ERC1: variants seen among roughly 807,000 people sequenced by gnomAD.
ERC1 encodes the protein ELKS/RAB6-interacting/CAST family member 1.
Under a neutral mutation model 132.0 loss-of-function variants are expected in ERC1, and 56 were observed. The observed-to-expected ratio is 0.42, with a 90% CI of 0.34 to 0.53. The LOEUF is 0.53. Among genes scored for constraint, ERC1 ranks in the 20% least tolerant of loss-of-function variants. The pLI is 0.03. For synonymous variants in ERC1, 478 were observed against 476.1 expected, an observed-to-expected ratio of 1.00 and a Z score of -0.05; for missense variants, 1,202 against 1,349.9, an observed-to-expected ratio of 0.89 and a Z score of 1.72.
chr12:1,141,865 C>T lies in ERC1; in HGVS notation c.1737+78C>T, dbSNP rs1005889500. 29 of 1,160,198 alleles carry T rather than the reference C, an allele frequency of 2.5e-5. No homozygotes were observed. The Admixed American group carries it at 4.9e-4, about 19-fold the overall frequency. The allele number at this position is 1,160,198 out of a possible 1,614,324, so 71.9% of individuals were successfully genotyped here. The stretch of plus-strand genomic sequence containing the variant: ...CCTACCACTAAGTTATTTCTAAATG[C>T]TGTCAGAGTTTCTTGCTCATTTTTC... On this transcript the variant is annotated intron_variant, in intron 8 of 18. Coordinates refer to ENST00000360905, the MANE Select transcript of ERC1 (RefSeq NM_178040.4).
chr12:1,184,894 A>G (rs950488947), intron 11 of ERC1, among the ~76,000 whole-genome samples: 2 of 152,108 alleles, frequency 1.3e-5, no homozygotes, highest in South Asian at 2.1e-4. Context: ...CTGGGACTAC[A>G]GACCCATGCC....
intron 15 of ERC1, among the ~76,000 whole-genome samples, chr12:1,294,850 T>C (rs2079792397): frequency 6.6e-6 from 1 of 152,200 alleles, no homozygotes; most frequent in African/African-American, 2.4e-5. Context: ...ATCTTTTTCA[T>C]TGTTCTCCAG....
intron 15 of ERC1, among the ~76,000 whole-genome samples, chr12:1,318,427 A>G (rs1221644576): frequency 2.6e-5 from 4 of 152,250 alleles, no homozygotes; most frequent in African/African-American, 4.8e-5. Context: ...AAAATTTTAT[A>G]GCTTTTGTGG....
rs1947167791 is a variant in ERC1, at chr12:1,121,711, GT to G, written c.1569+5679del. 3.9e-4 allele frequency among the ~76,000 whole-genome samples: 16 copies of G among 40,526 alleles called. 1 individual carries two copies. The highest frequency in any genetic ancestry group is 6.7e-4 in the Non-Finnish European group (13 of 19,466). The allele number at this position is 40,526 out of a possible 152,430, so 26.6% of individuals were successfully genotyped here. A position where few individuals can be genotyped will look rare whatever the true frequency, so the allele number is the denominator to read the frequency against. On this transcript the variant is annotated intron_variant, in intron 7 of 18. Transcript: ENST00000360905. ...TATCTCTATCTCTATCTCTATCTGT[GT>G]CTCTATCTCTATCTCTATCTCTATC...
chr12:1,115,902 A>C lies in ERC1; in HGVS notation c.1438A>C (p.Thr480Pro), dbSNP rs1179897471. ...QVKQELSRKD[T>P]ELLALQTKLE... ...GAAACAGGAGCTGTCCAGAAAGGAC[A>C]CAGAACTACTCGCCCTGCAGACAAA... Residue 480 changes from threonine to proline, a missense_variant, in exon 7 of 19, where the codon ACA (threonine) becomes CCA (proline). Transcript: ENST00000360905. The C allele has an allele frequency of 6.2e-7, 1 of 1,614,154 alleles. No homozygotes were observed. The highest frequency in any genetic ancestry group is 1.1e-5 in the South Asian group (1 of 91,080).
chr12:1,092,276 C>T (rs1167992201), intron 3 of ERC1, among the ~76,000 whole-genome samples: 1 of 152,154 alleles, frequency 6.6e-6, no homozygotes, highest in African/African-American at 2.4e-5. Context: ...GGATTATAGG[C>T]GTGAGCCACC....
chr12:1,403,635 T>C (rs12820489), intron 16 of ERC1, among the ~76,000 whole-genome samples: 51 of 152,182 alleles, frequency 3.4e-4, no homozygotes, highest in Admixed American at 1.3e-3. Flanking sequence ...GTGGATCAAA[T>C]AAGGAATCTT....
intron 16 of ERC1, among the ~76,000 whole-genome samples, chr12:1,400,628 ACAT>A (rs1443425264): frequency 6.6e-6 from 1 of 152,006 alleles, no homozygotes; most frequent in Non-Finnish European, 1.5e-5. Flanking sequence ...AATGAGTTTG[ACAT>A]CATTTTCTTT....
intron 12 of ERC1, among the ~76,000 whole-genome samples, chr12:1,200,496 A>G (rs1319222403): frequency 6.6e-6 from 1 of 152,020 alleles, no homozygotes; most frequent in African/African-American, 2.4e-5. Flanking sequence ...ACCAATGTAT[A>G]TATGTTATAA....
chr12:1,383,337 A>G (rs2088919365), intron 16 of ERC1, among the ~76,000 whole-genome samples: 1 of 152,150 alleles, frequency 6.6e-6, no homozygotes, highest in South Asian at 2.1e-4. Context: ...ATGTAAAACT[A>G]GAAAGATTAG....
At chr12:1,272,361 T>C (rs1292231967) in intron 14 of ERC1, among the ~76,000 whole-genome samples, 6 of 152,220 alleles carry the variant, frequency 3.9e-5, no homozygotes, top group Non-Finnish European at 8.8e-5. Context: ...TTATAGACCC[T>C]GTCTGGTTGA....
intron 2 of ERC1, among the ~76,000 whole-genome samples, chr12:1,045,257 A>G (rs1407053297): frequency 6.6e-6 from 1 of 152,098 alleles, no homozygotes; most frequent in Admixed American, 6.6e-5. Flanking sequence ...TATTTACTCC[A>G]CTGACATTAA....
intron 12 of ERC1, among the ~76,000 whole-genome samples, chr12:1,200,810 G>A (rs1390612375): frequency 2.0e-5 from 3 of 151,960 alleles, no homozygotes; most frequent in African/African-American, 7.2e-5. Context: ...CGCCCGCCTC[G>A]GCCTCCCAAA....
intron 1 of ERC1, among the ~76,000 whole-genome samples, chr12:1,009,650 A>T (rs1187131385): frequency 6.6e-6 from 1 of 152,172 alleles, no homozygotes; most frequent in Non-Finnish European, 1.5e-5. Flanking sequence ...CTTTTTGGTG[A>T]GGTGTACTAT....
At chr12:1,064,882 A>G (rs1287670488) in intron 2 of ERC1, among the ~76,000 whole-genome samples, 2 of 152,164 alleles carry the variant, frequency 1.3e-5, no homozygotes, top group Admixed American at 6.5e-5. Flanking sequence ...TATGCCATTT[A>G]CCATCTCTTC....
intron 7 of ERC1, among the ~76,000 whole-genome samples, chr12:1,130,834 C>T (rs889210982): frequency 3.9e-5 from 6 of 152,102 alleles, no homozygotes; most frequent in Non-Finnish European, 8.8e-5. Context: ...CTTCACGTAG[C>T]ATTCAGCCTC....
intron 12 of ERC1, among the ~76,000 whole-genome samples, chr12:1,211,226 G>A (rs1319893335): frequency 2.0e-5 from 3 of 151,932 alleles, no homozygotes; most frequent in Admixed American, 6.6e-5. Flanking sequence ...TCGGCTTACC[G>A]CAACCTCCGC....
chr12:1,175,255 A>G (rs776604822), intron 8 of ERC1, among the ~76,000 whole-genome samples: 7 of 152,010 alleles, frequency 4.6e-5, no homozygotes, highest in Non-Finnish European at 4.4e-5. Flanking sequence ...AGTTTGCTGC[A>G]TCAATTGACT....
intron 15 of ERC1, among the ~76,000 whole-genome samples, chr12:1,327,030 C>G (rs1291233862): frequency 6.6e-6 from 1 of 152,090 alleles, no homozygotes; most frequent in African/African-American, 2.4e-5. Context: ...TTCATAAATG[C>G]TGGGGATTTT....
Sources: gnomAD v4.1 joint callset for allele counts (sites outside exome capture counted in the v4.1 genomes callset) on GRCh38, gnomAD v4.1.1 for gene constraint, MANE v1.5 for transcripts, NCBI Gene and HGNC (gene_info 2026-07-23, HGNC 2026-07-21) for gene names.